GREB1L: variants seen among roughly 807,000 people sequenced by gnomAD.
The protein encoded by GREB1L is GREB1-like protein.
GREB1L carries 17 observed loss-of-function variants against 200.8 expected under a neutral mutation model. The observed-to-expected ratio is 0.08, with a 90% CI of 0.06 to 0.13. GREB1L has a LOEUF of 0.13. Among genes scored for constraint, GREB1L ranks in the 10% least tolerant of loss-of-function variants. The pLI is 1.00. For missense variants in GREB1L, 1,657 were observed against 2,367.7 expected (o/e 0.70, Z 6.23); for synonymous variants, 789 against 893.0 (o/e 0.88, Z 2.08).
chr18:21,492,762 T>C (rs2036392188), intron 19 of GREB1L, among the ~76,000 whole-genome samples: 1 of 152,070 alleles, frequency 6.6e-6, no homozygotes, highest in African/African-American at 2.4e-5. Context: ...TTGGTATGAG[T>C]AGCTGCCAGG....
At chr18:21,503,660 T>C (rs1452885532) in intron 23 of GREB1L, among the ~76,000 whole-genome samples, 1 of 151,940 alleles carries the variant, frequency 6.6e-6, no homozygotes, top group Non-Finnish European at 1.5e-5. Flanking sequence ...CACTGCAACC[T>C]CTGCTTCCCA....
chr18:21,429,500 AC>A (rs2032977208), intron 7 of GREB1L, among the ~76,000 whole-genome samples: 2 of 151,428 alleles, frequency 1.3e-5, no homozygotes, highest in South Asian at 4.2e-4. Flanking sequence ...AAACCATGGC[AC>A]CCAGCCATTT....
At chr18:21,475,446 G>A (rs1368235381) in intron 16 of GREB1L, among the ~76,000 whole-genome samples, 3 of 152,068 alleles carry the variant, frequency 2.0e-5, no homozygotes, top group East Asian at 3.9e-4. Context: ...TGCAACCCCC[G>A]CCTTCCGGGT....
intron 15 of GREB1L, among the ~76,000 whole-genome samples, chr18:21,470,091 C>T (rs2035420463): frequency 2.0e-5 from 3 of 151,774 alleles, no homozygotes; most frequent in Non-Finnish European, 4.4e-5. Flanking sequence ...TTGAGACCAG[C>T]GTGGGCAACA....
intron 7 of GREB1L, among the ~76,000 whole-genome samples, chr18:21,412,539 A>G (rs2031174077): frequency 6.6e-6 from 1 of 152,224 alleles, no homozygotes; most frequent in Non-Finnish European, 1.5e-5. Context: ...AGTCATTCAC[A>G]AAAGACTCCG....
chr18:21,365,089 A>G (rs2039646285), intron 1 of GREB1L, among the ~76,000 whole-genome samples: 1 of 152,174 alleles, frequency 6.6e-6, no homozygotes, highest in Non-Finnish European at 1.5e-5. Context: ...GAGGTAAGAT[A>G]AATATTTTTA....
intron 2 of GREB1L, among the ~76,000 whole-genome samples, chr18:21,383,050 C>T (rs1284341765): frequency 4.0e-5 from 6 of 151,804 alleles, no homozygotes; most frequent in Middle Eastern, 3.4e-3. Flanking sequence ...CATTTTTTTT[C>T]CAGAAGAGAG....
At chr18:21,488,041 A>C (rs2036193728) in intron 18 of GREB1L, among the ~76,000 whole-genome samples, 1 of 150,962 alleles carries the variant, frequency 6.6e-6, no homozygotes, top group African/African-American at 2.4e-5. Flanking sequence ...GCAGTGGCTT[A>C]CACCTGTAAT....
At chr18:21,488,658 C>A (rs2036216323) in intron 18 of GREB1L, among the ~76,000 whole-genome samples, 1 of 152,008 alleles carries the variant, frequency 6.6e-6, no homozygotes, top group African/African-American at 2.4e-5. Context: ...CTTTCTTTTT[C>A]TCTTTTTTAT....
At chr18:21,376,621 G>A (rs1403075036) in intron 2 of GREB1L, among the ~76,000 whole-genome samples, 2 of 151,094 alleles carry the variant, frequency 1.3e-5, no homozygotes, top group Non-Finnish European at 3.0e-5. Flanking sequence ...TGGCTAACAC[G>A]GTGAAACCCC....
At chr18:21,502,651 G>GT (rs368400841) in intron 23 of GREB1L, among the ~76,000 whole-genome samples, 179 of 152,052 alleles carry the variant, frequency 1.2e-3, no homozygotes, top group African/African-American at 3.9e-3. Context: ...ACATCTCCTT[G>GT]TTTTTTTCCC....
intron 15 of GREB1L, among the ~76,000 whole-genome samples, chr18:21,464,247 G>A (rs1259308712): frequency 6.6e-6 from 1 of 152,052 alleles, no homozygotes; most frequent in Non-Finnish European, 1.5e-5. Flanking sequence ...TGTCATTAGG[G>A]GGCCGGGCGC....
In GREB1L at chr18:21,496,807, C is replaced by G. The variant is rs2036565688; in HGVS notation, c.3391+109C>G. On this transcript the variant is annotated intron_variant, in intron 21 of 32. Transcript: ENST00000424526. ...GACACCCCAACGGCCTTCAGAGGAGCCTTCAGGGACTGGCATCCTCTCCAG... is the reference window on the plus strand; with the variant it reads ...GACACCCCAACGGCCTTCAGAGGAGGCTTCAGGGACTGGCATCCTCTCCAG... 8.7e-6 allele frequency: 11 copies of G among 1,257,690 alleles called. No homozygotes were observed. The South Asian group carries it at 9.2e-5, about 10-fold the overall frequency. The allele number at this position is 1,257,690 out of a possible 1,614,324, so 77.9% of individuals were successfully genotyped here. A position where few individuals can be genotyped will look rare whatever the true frequency, so the allele number is the denominator to read the frequency against.
intron 1 of GREB1L, among the ~76,000 whole-genome samples, chr18:21,354,449 A>T (rs187360493): frequency 6.6e-6 from 1 of 152,334 alleles, no homozygotes; most frequent in East Asian, 1.9e-4. Context: ...TTAAAAAAAT[A>T]GTTTGAGTGC....
At chr18:21,297,734 T>C (rs1231278024) in intron 1 of GREB1L, among the ~76,000 whole-genome samples, 7 of 152,188 alleles carry the variant, frequency 4.6e-5, no homozygotes, top group Admixed American at 4.6e-4. Context: ...TTCAACAGAT[T>C]CCCTTATGCC....
chr18:21,474,127 A>C (rs576561119), intron 16 of GREB1L, among the ~76,000 whole-genome samples: 10 of 152,250 alleles, frequency 6.6e-5, no homozygotes, highest in Non-Finnish European at 1.3e-4. Flanking sequence ...CAAATCTCAT[A>C]TCTTCACATT....
chr18:21,359,728 A>G (rs1643645898), intron 1 of GREB1L, among the ~76,000 whole-genome samples: 2 of 152,250 alleles, frequency 1.3e-5, no homozygotes, highest in Non-Finnish European at 2.9e-5. Context: ...ATTGCACTGA[A>G]TAAATACTTA....
At chr18:21,269,394 T>C (rs1432807872) in intron 1 of GREB1L, among the ~76,000 whole-genome samples, 2 of 152,192 alleles carry the variant, frequency 1.3e-5, no homozygotes, top group African/African-American at 2.4e-5. Context: ...TTGGGGATTA[T>C]GCCCAATTCT....
rs1026174458 is a variant in GREB1L at position 21,395,542 on chromosome 18, T to C, written c.513T>C (p.His171=). 7.1e-6 allele frequency: 11 copies of C among 1,548,456 alleles called. No individual in the cohort carries two copies. Among genetic ancestry groups the C allele is most frequent in the East Asian group, 2.4e-5 (1 of 40,888 alleles). The part of the protein sequence containing the change: ...AVDKRFLPDD[H]GKNALLGFSG... ...ACAAGCGATTTCTACCAGATGATCA[T>C]GGAAAAAATGCACTTTTAGGTGAGT... Residue 171 remains histidine, a synonymous_variant, in exon 5 of 33, where the codon CAT becomes CAC. Coordinates refer to ENST00000424526, the MANE Select transcript of GREB1L (RefSeq NM_001142966.3).
Sources: allele counts gnomAD v4.1 joint callset (sites outside exome capture counted in the v4.1 genomes callset), GRCh38; gene constraint gnomAD v4.1.1; transcripts MANE v1.5; gene names NCBI Gene and HGNC (gene_info 2026-07-23, HGNC 2026-07-21).